CNTNAP2: variants seen among roughly 807,000 people sequenced by gnomAD.
The protein encoded by CNTNAP2 is contactin associated protein 2.
In CNTNAP2, 98 loss-of-function variants were observed where a neutral mutation model predicts 155.2. The ratio of observed to expected loss-of-function variants is 0.63; its 90% CI spans 0.54 to 0.75. CNTNAP2 has a LOEUF of 0.75. Ranked by LOEUF, CNTNAP2 falls within the 30% of genes least tolerant of loss-of-function variation. The pLI is 0.00. For synonymous variants in CNTNAP2, 651 were observed against 631.2 expected, an observed-to-expected ratio of 1.03 and a Z score of -0.47; for missense variants, 1,727 against 1,688.1, an observed-to-expected ratio of 1.02 and a Z score of -0.40.
rs1313480134 is a variant in CNTNAP2 at position 148,366,022 on chromosome 7, A to G, written c.3476-17627A>G. On this transcript the variant is annotated intron_variant, in intron 21 of 23. Coordinates refer to ENST00000361727, the MANE Select transcript of CNTNAP2 (RefSeq NM_014141.6). ...CATGTATGCATGTGTGTATGCATGTATGCATGTGTGTGTATGCATGTATGC... is the reference window on the plus strand; with the variant it reads ...CATGTATGCATGTGTGTATGCATGTGTGCATGTGTGTGTATGCATGTATGC... 7.5e-3 allele frequency among the ~76,000 whole-genome samples: 10 copies of G among 1,340 alleles called. 5 individuals carry two copies. Among genetic ancestry groups the G allele is most frequent in the African/African-American group, 8.8e-3 (10 of 1,138 alleles). The allele number at this position is 1,340 out of a possible 152,430, so 0.9% of individuals were successfully genotyped here. A position where few individuals can be genotyped will look rare whatever the true frequency, so the allele number is the denominator to read the frequency against.
intron 4 of CNTNAP2, among the ~76,000 whole-genome samples, chr7:147,047,728 G>C (rs1165217386): frequency 6.6e-6 from 1 of 151,630 alleles, no homozygotes; most frequent in African/African-American, 2.4e-5. Flanking sequence ...AAAGTTGTGA[G>C]TTTGTGCTGT....
At chr7:146,397,070 T>C (rs1795638907) in intron 1 of CNTNAP2, among the ~76,000 whole-genome samples, 1 of 152,172 alleles carries the variant, frequency 6.6e-6, no homozygotes, top group Admixed American at 6.5e-5. Flanking sequence ...CCTCCCTTAT[T>C]TTACTTTCCA....
intron 15 of CNTNAP2, among the ~76,000 whole-genome samples, chr7:148,062,000 TA>T (rs775669006): frequency 0.061 from 6,281 of 103,488 alleles, 323 homozygotes; most frequent in Admixed American, 0.094. Context: ...GATAGATAGA[TA>T]GATAGATGAT....
intron 1 of CNTNAP2, among the ~76,000 whole-genome samples, chr7:146,400,077 G>T (rs1418689144): frequency 6.6e-6 from 1 of 151,884 alleles, no homozygotes; most frequent in African/African-American, 2.4e-5. Context: ...ACCTTCCCTG[G>T]GCTAGGTATG....
At chr7:146,643,254 T>C (rs1365225213) in intron 1 of CNTNAP2, among the ~76,000 whole-genome samples, 1 of 150,586 alleles carries the variant, frequency 6.6e-6, no homozygotes, top group Non-Finnish European at 1.5e-5. Context: ...TCCTGAATGG[T>C]AATGCCTAGG....
At chr7:147,107,320 A>G (rs1800786303) in intron 4 of CNTNAP2, among the ~76,000 whole-genome samples, 1 of 152,164 alleles carries the variant, frequency 6.6e-6, no homozygotes, top group South Asian at 2.1e-4. Flanking sequence ...ATGAATCCTC[A>G]CAGTCACATA....
intron 17 of CNTNAP2, among the ~76,000 whole-genome samples, chr7:148,169,716 CT>C (rs1286313810): frequency 1.3e-5 from 2 of 152,162 alleles, no homozygotes; most frequent in African/African-American, 4.8e-5. Context: ...AATCCCAGCA[CT>C]TTGGGAGGCC....
intron 1 of CNTNAP2, among the ~76,000 whole-genome samples, chr7:146,721,409 TATTCTATATATAC>T (rs1421378371): frequency 1.2e-4 from 16 of 128,052 alleles, no homozygotes; most frequent in Admixed American, 2.5e-4. Context: ...ATTCTATATA[TATTCTATATATAC>T]ATTCTATATA....
At chr7:147,181,651 A>C (rs1802457252) in intron 8 of CNTNAP2, among the ~76,000 whole-genome samples, 1 of 152,220 alleles carries the variant, frequency 6.6e-6, no homozygotes, top group Non-Finnish European at 1.5e-5. Context: ...ATTTTACTTA[A>C]TTAAAAACTT....
intron 2 of CNTNAP2, among the ~76,000 whole-genome samples, chr7:146,824,326 T>C (rs183549620): frequency 2.6e-5 from 4 of 152,332 alleles, no homozygotes; most frequent in African/African-American, 7.2e-5. Context: ...TTTGCTATCA[T>C]AAATAGTGTT....
intron 1 of CNTNAP2, among the ~76,000 whole-genome samples, chr7:146,732,798 T>G (rs1801548889): frequency 1.3e-5 from 2 of 152,158 alleles, no homozygotes; most frequent in African/African-American, 4.8e-5. Flanking sequence ...CCTGTATACT[T>G]TAAATCATCT....
chr7:147,487,485 C>T (rs990676133), intron 11 of CNTNAP2, among the ~76,000 whole-genome samples: 3 of 152,128 alleles, frequency 2.0e-5, no homozygotes, highest in African/African-American at 7.2e-5. Context: ...AGTGCCTTCA[C>T]TCCACTAGCA....
chr7:147,301,866 C>T (rs1396528944), intron 9 of CNTNAP2, among the ~76,000 whole-genome samples: 1 of 152,108 alleles, frequency 6.6e-6, no homozygotes, highest in Non-Finnish European at 1.5e-5. Context: ...TGACTTGCCA[C>T]TGAGTTTGCA....
chr7:148,305,437 C>T (rs1416958745), intron 21 of CNTNAP2, among the ~76,000 whole-genome samples: 2 of 151,982 alleles, frequency 1.3e-5, no homozygotes, highest in African/African-American at 4.8e-5. Context: ...AAACTTCTAC[C>T]CCAGAGCATT....
intron 1 of CNTNAP2, among the ~76,000 whole-genome samples, chr7:146,133,173 G>C (rs1797743268): frequency 6.6e-6 from 1 of 151,938 alleles, no homozygotes; most frequent in African/African-American, 2.4e-5. Flanking sequence ...GTGATGATGA[G>C]CATTTTTTCA....
chr7:146,579,869 C>A (rs961293077), intron 1 of CNTNAP2, among the ~76,000 whole-genome samples: 1 of 152,012 alleles, frequency 6.6e-6, no homozygotes, highest in Non-Finnish European at 1.5e-5. Context: ...CATAATATTG[C>A]AGAGAATAAC....
chr7:147,048,022 T>G (rs1799399455), intron 4 of CNTNAP2, among the ~76,000 whole-genome samples: 1 of 151,844 alleles, frequency 6.6e-6, no homozygotes, highest in Non-Finnish European at 1.5e-5. Context: ...AGCATATAAG[T>G]ATTTGCAGAT....
At chr7:147,333,274 G>A (rs1454276403) in intron 9 of CNTNAP2, among the ~76,000 whole-genome samples, 1 of 152,104 alleles carries the variant, frequency 6.6e-6, no homozygotes, top group African/African-American at 2.4e-5. Flanking sequence ...AAAACTTGAT[G>A]GTGAGAACTC....
intron 1 of CNTNAP2, among the ~76,000 whole-genome samples, chr7:146,226,687 A>G (rs1479583524): frequency 1.3e-5 from 2 of 152,126 alleles, no homozygotes; most frequent in Non-Finnish European, 2.9e-5. Flanking sequence ...ACAAAACAAA[A>G]CAAATAAACA....
Sources: allele counts gnomAD v4.1 joint callset (sites outside exome capture counted in the v4.1 genomes callset), GRCh38; gene constraint gnomAD v4.1.1; transcripts MANE v1.5; gene names NCBI Gene and HGNC (gene_info 2026-07-23, HGNC 2026-07-21).